FIGN: variants seen among roughly 807,000 people sequenced by gnomAD.
FIGN encodes the protein fidgetin, microtubule severing factor.
Under a neutral mutation model 51.3 loss-of-function variants are expected in FIGN, and 11 were observed. The observed-to-expected ratio is 0.21, with a 90% CI of 0.13 to 0.35. FIGN has a LOEUF of 0.35. Among genes scored for constraint, FIGN ranks in the 10% least tolerant of loss-of-function variants. FIGN has a pLI of 1.00. For missense variants in FIGN, 857 were observed against 943.6 expected, an observed-to-expected ratio of 0.91 and a Z score of 1.20; for synonymous variants, 407 against 363.2, an observed-to-expected ratio of 1.12 and a Z score of -1.37.
intron 2 of FIGN, among the ~76,000 whole-genome samples, chr2:163,618,853 C>T (rs1682921181): frequency 6.6e-6 from 1 of 152,158 alleles, no homozygotes; most frequent in South Asian, 2.1e-4. Context: ...ACTCCAGTTT[C>T]TTAACTTACA....
chr2:163,644,641 A>G (rs1683354865), intron 2 of FIGN, among the ~76,000 whole-genome samples: 2 of 152,226 alleles, frequency 1.3e-5, no homozygotes, highest in South Asian at 4.1e-4. Context: ...AGTTCACAGC[A>G]GCATTATTCA....
intron 2 of FIGN, among the ~76,000 whole-genome samples, chr2:163,618,459 G>C (rs1682913882): frequency 6.6e-6 from 1 of 151,250 alleles, no homozygotes; most frequent in Non-Finnish European, 1.5e-5. Flanking sequence ...GGCTAAATGG[G>C]TCTTAGTAAA....
At position 163,734,557 on chromosome 2, in the gene FIGN, CA is replaced by C. The variant is rs34286375; in HGVS notation, c.25+345del. Among the ~76,000 whole-genome samples the C allele has an allele frequency of 9.8e-3, 1,011 of 102,856 alleles. 16 individuals carry two copies. The highest frequency in any genetic ancestry group is 0.036 in the African/African-American group (955 of 26,834). The allele number at this position is 102,856 out of a possible 152,430, so 67.5% of individuals were successfully genotyped here. On this transcript the variant is annotated intron_variant, in intron 2 of 2. Transcript: ENST00000333129. ...TCCCCTTTGCCCAGCCTCCCTCCTT[CA>C]AAAAAAAAAAAAAAAAAAACCCACA... is the stretch of plus-strand genomic sequence containing the variant.
intron 2 of FIGN, among the ~76,000 whole-genome samples, chr2:163,658,448 A>G (rs1683599007): frequency 6.6e-6 from 1 of 151,042 alleles, no homozygotes; most frequent in Non-Finnish European, 1.5e-5. Flanking sequence ...GGAATACCTG[A>G]AACTAGGTCA....
chr2:163,686,954 A>C (rs1684160856), intron 2 of FIGN, among the ~76,000 whole-genome samples: 1 of 151,912 alleles, frequency 6.6e-6, no homozygotes, highest in Non-Finnish European at 1.5e-5. Flanking sequence ...TATTTAAAAT[A>C]ATCAGTCATT....
At chr2:163,702,907 G>A (rs993964492) in intron 2 of FIGN, among the ~76,000 whole-genome samples, 3 of 152,014 alleles carry the variant, frequency 2.0e-5, no homozygotes, top group African/African-American at 4.8e-5. Flanking sequence ...TCTCAAAATA[G>A]GTAGACTTTC....
chr2:163,663,210 C>T lies in FIGN; in HGVS notation c.26-51404G>A, dbSNP rs111918940. Among the ~76,000 whole-genome samples, 41 of 151,664 alleles carry T rather than the reference C, an allele frequency of 2.7e-4. 1 individual carries two copies. Among genetic ancestry groups the T allele is most frequent in the South Asian group, 8.4e-4 (4 of 4,786 alleles). On this transcript the variant is annotated intron_variant, in intron 2 of 2. Coordinates refer to ENST00000333129, the MANE Select transcript of FIGN (RefSeq NM_018086.4). ...TGCTGGGATTACAGGCGTGATCGAC[C>T]GCACCTGGCCTAAAAAATAATGTTG...
chr2:163,692,740 C>T lies in FIGN; in HGVS notation c.25+42163G>A, dbSNP rs142722602. Among the ~76,000 whole-genome samples the T allele has an allele frequency of 4.0e-4, 61 of 152,236 alleles. 1 individual carries two copies. In the East Asian group the frequency reaches 9.1e-3, roughly 23 times the overall value. ...GAGATGTTAAAAAGAAAAAAACAAA[C>T]GAGCAAATTCTAAATAGCTGTGTGG... is the stretch of plus-strand genomic sequence containing the variant. On this transcript the variant is annotated intron_variant, in intron 2 of 2. Transcript: ENST00000333129.
intron 2 of FIGN, among the ~76,000 whole-genome samples, chr2:163,725,107 C>T (rs1005198501): frequency 3.9e-5 from 6 of 152,126 alleles, no homozygotes; most frequent in Admixed American, 2.0e-4. Flanking sequence ...TGCTGCTTTA[C>T]TCTTCCCTAA....
intron 2 of FIGN, among the ~76,000 whole-genome samples, chr2:163,688,154 T>A (rs1164942853): frequency 6.6e-6 from 1 of 152,198 alleles, no homozygotes; most frequent in Non-Finnish European, 1.5e-5. Flanking sequence ...TGAAGAATTT[T>A]AAAACTAATG....
intron 2 of FIGN, among the ~76,000 whole-genome samples, chr2:163,722,731 A>C (rs1304593469): frequency 6.6e-6 from 1 of 152,066 alleles, no homozygotes; most frequent in African/African-American, 2.4e-5. Flanking sequence ...TTTTAAGTAT[A>C]TAATTATAAA....
At chr2:163,613,899 AGTGT>A (rs1171557334) in intron 2 of FIGN, among the ~76,000 whole-genome samples, 1 of 152,202 alleles carries the variant, frequency 6.6e-6, no homozygotes, top group Admixed American at 6.6e-5. Flanking sequence ...AATGCTGCAC[AGTGT>A]AACTTAATCA....
rs1444204270 is a variant in FIGN at position 163,610,716 on chromosome 2, T to A, written c.1116A>T (p.Ser372=). The change falls in exon 3 of 3, where the codon TCA becomes TCT. Residue 372 remains serine, a synonymous_variant. Transcript: ENST00000333129. ...GCTTCGTTGGCTTAAATGCTAAGGA[T>A]GATGTTTCAGCACTTCTGTCAAAGC... is the stretch of plus-strand genomic sequence containing the variant. ...GNGFDRSAET[S]SLAFKPTKQL... The A allele has an allele frequency of 1.2e-6, 2 of 1,614,074 alleles. No homozygotes were observed. Among genetic ancestry groups the A allele is most frequent in the African/African-American group, 2.7e-5 (2 of 74,938 alleles).
intron 2 of FIGN, among the ~76,000 whole-genome samples, chr2:163,710,602 A>G (rs1419028458): frequency 2.0e-5 from 3 of 152,222 alleles, no homozygotes; most frequent in African/African-American, 4.8e-5. Context: ...AATTGAGTTC[A>G]GTTCTGTGCA....
rs1250161861 is a variant in FIGN, at chr2:163,616,203, C to T, written c.26-4397G>A. On this transcript the variant is annotated intron_variant, in intron 2 of 2. Transcript: ENST00000333129. ...TTGTTGCTTTACTTTTTCCATTTTG[C>T]TCTTTAACTAGTTTCGAAACAAAAC... Among the ~76,000 whole-genome samples the T allele has an allele frequency of 2.0e-5, 3 of 152,098 alleles. No homozygotes were observed. In the East Asian group the frequency reaches 5.8e-4, roughly 29 times the overall value.
intron 2 of FIGN, among the ~76,000 whole-genome samples, chr2:163,613,974 T>C (rs1341969126): frequency 6.6e-6 from 1 of 152,154 alleles, no homozygotes; most frequent in African/African-American, 2.4e-5. Context: ...CTCTTGTACA[T>C]GCAACAGATT....
At chr2:163,639,380 T>C (rs1424263866) in intron 2 of FIGN, among the ~76,000 whole-genome samples, 1 of 152,176 alleles carries the variant, frequency 6.6e-6, no homozygotes, top group East Asian at 1.9e-4. Context: ...TAGGTTGCAA[T>C]ATATAATTAT....
At chr2:163,629,345 C>A (rs992563548) in intron 2 of FIGN, among the ~76,000 whole-genome samples, 7 of 152,092 alleles carry the variant, frequency 4.6e-5, no homozygotes, top group Non-Finnish European at 1.5e-5. Flanking sequence ...AATGAACAGA[C>A]TAGAGCTGAT....
intron 2 of FIGN, among the ~76,000 whole-genome samples, chr2:163,727,555 C>T (rs149497768): frequency 1.1e-4 from 17 of 152,212 alleles, no homozygotes; most frequent in African/African-American, 3.4e-4. Context: ...TCATATGTAG[C>T]ATTTCTCCCG....
Sources: gnomAD v4.1 joint callset for allele counts (sites outside exome capture counted in the v4.1 genomes callset) on GRCh38, gnomAD v4.1.1 for gene constraint, MANE v1.5 for transcripts, NCBI Gene and HGNC (gene_info 2026-07-23, HGNC 2026-07-21) for gene names.